Variants in CYB5D2 observed in about 807,000 individuals in gnomAD.
CYB5D2 encodes the protein neuferricin.
Under a neutral mutation model 22.8 loss-of-function variants are expected in CYB5D2, and 23 were observed. That is an observed-to-expected ratio of 1.01 (90% CI 0.73 to 1.43). CYB5D2 has a LOEUF of 1.43. Among genes scored for constraint, CYB5D2 ranks in the 40% most tolerant of loss-of-function variants. CYB5D2 has a pLI of 0.00. For synonymous variants in CYB5D2, 170 were observed against 152.2 expected (o/e 1.12, Z -0.86); for missense variants, 373 against 357.2 (o/e 1.04, Z -0.36).
rs2059106636 is a variant in CYB5D2 at position 4,155,719 on chromosome 17, A to G, written c.578+859A>G. On this transcript the variant is annotated intron_variant, in intron 3 of 3. Coordinates refer to ENST00000301391, the MANE Select transcript of CYB5D2 (RefSeq NM_144611.4). ...CACTGGTCTCTGAGACTCCAGGAGG[A>G]GGAGACTCCAGGAGGCCTGCGTGCG... Among the ~76,000 whole-genome samples the G allele has an allele frequency of 2.6e-5, 4 of 152,068 alleles. No homozygotes were observed. In the South Asian group the frequency reaches 8.3e-4, roughly 31 times the overall value.
intron 1 of CYB5D2, among the ~76,000 whole-genome samples, chr17:4,146,528 C>T (rs746565328): frequency 6.6e-6 from 1 of 152,002 alleles, no homozygotes; most frequent in Non-Finnish European, 1.5e-5. Context: ...GTAGCTGGGA[C>T]TACAGGCGTC....
At chr17:4,144,676 A>G (rs954580906) in intron 1 of CYB5D2, among the ~76,000 whole-genome samples, 3 of 152,164 alleles carry the variant, frequency 2.0e-5, no homozygotes, top group Non-Finnish European at 4.4e-5. Flanking sequence ...AACATTTGTC[A>G]AATTAAGTTT....
intron 1 of CYB5D2, among the ~76,000 whole-genome samples, chr17:4,148,516 CAAAAAAAAAAA>C (rs34632039): frequency 2.6e-4 from 27 of 102,644 alleles, no homozygotes; most frequent in Admixed American, 2.0e-3. Flanking sequence ...GACTCAGTCT[CAAAAAAAAAAA>C]AAAAAAAAAA....
chr17:4,145,938 A>G (rs1456480574), intron 1 of CYB5D2, among the ~76,000 whole-genome samples: 1 of 152,082 alleles, frequency 6.6e-6, no homozygotes, highest in African/African-American at 2.4e-5. Context: ...AGCGGGGACC[A>G]TAGGTGTGCA....
rs2059121776 is a variant in CYB5D2 at position 4,157,158 on chromosome 17, C to T, written c.*76C>T. 6.7e-7 allele frequency: 1 copy of T among 1,495,226 alleles called. No homozygotes were observed. Among genetic ancestry groups the T allele is most frequent in the Admixed American group, 1.9e-5 (1 of 54,026 alleles). The allele number at this position is 1,495,226 out of a possible 1,614,324, so 92.6% of individuals were successfully genotyped here. A position where few individuals can be genotyped will look rare whatever the true frequency, so the allele number is the denominator to read the frequency against. ...AGTAGGCCCTTGACACTTGTGTGCC[C>T]TGGGATGCCTCCTGGCGCGAATCAG... On this transcript the variant is annotated 3_prime_UTR_variant, in exon 4 of 4. Transcript: ENST00000301391. This position sits in a 1 kb window ranked among gnomAD's most constrained non-coding sequence, Gnocchi z 4.4.
Position 4,143,504 on chromosome 17 carries a change from C to A in CYB5D2, c.-252C>A, listed in dbSNP as rs1373360523. 2 of 373,854 alleles carry A rather than the reference C, an allele frequency of 5.3e-6. No individual in the cohort carries two copies. The highest frequency in any genetic ancestry group is 9.4e-6 in the Non-Finnish European group (2 of 211,734). 23.2% of individuals were successfully genotyped at this position (373,854 alleles called of 1,614,324 possible). A position where few individuals can be genotyped will look rare whatever the true frequency, so the allele number is the denominator to read the frequency against. ...TTCCGCCAGTGCACTCCAGCCTGGA[C>A]AACAAGAGCTAAAACTCTGTCTCAG... On this transcript the variant is annotated 5_prime_UTR_variant, in exon 1 of 4. Transcript: ENST00000301391.
At chr17:4,149,151 G>A (rs1340526637) in intron 1 of CYB5D2, among the ~76,000 whole-genome samples, 1 of 152,128 alleles carries the variant, frequency 6.6e-6, no homozygotes, top group Non-Finnish European at 1.5e-5. Context: ...ACGTCTAAGT[G>A]TTGTTGGATA....
intron 2 of CYB5D2, among the ~76,000 whole-genome samples, chr17:4,153,491 G>T (rs1321978964): frequency 6.6e-6 from 1 of 152,198 alleles, no homozygotes. Flanking sequence ...TTGCATTTTT[G>T]TCTGCTTTAA....
rs766480241 is a variant in CYB5D2 at position 4,157,130 on chromosome 17, C to T, written c.*48C>T. 2 of 1,590,544 alleles carry T rather than the reference C, an allele frequency of 1.3e-6. No homozygotes were observed. The highest frequency in any genetic ancestry group is 1.7e-6 in the Non-Finnish European group (2 of 1,166,400). On this transcript the variant is annotated 3_prime_UTR_variant, in exon 4 of 4. Transcript: ENST00000301391. The surrounding 1 kb of genome is among the most constrained non-coding windows in gnomAD (Gnocchi z 4.4). ...ACACACAGAGAGCTCTGCCAAGCAC[C>T]TGAGTAGGCCCTTGACACTTGTGTG...
Position 4,157,441 on chromosome 17 carries a change from C to G in CYB5D2, c.*359C>G. The G allele has an allele frequency of 3.3e-6, 1 of 301,582 alleles. No individual in the cohort carries two copies. Among genetic ancestry groups the G allele is most frequent in the South Asian group, 4.3e-5 (1 of 23,210 alleles). 18.7% of individuals were successfully genotyped at this position (301,582 alleles called of 1,614,324 possible). On this transcript the variant is annotated 3_prime_UTR_variant, in exon 4 of 4. Coordinates refer to ENST00000301391, the MANE Select transcript of CYB5D2 (RefSeq NM_144611.4). The surrounding 1 kb of genome is among the most constrained non-coding windows in gnomAD (Gnocchi z 4.4). ...TGATTACAGCTGGGCCAATACAGTA[C>G]GAGGCAATAACAAATTAGTGTGGGT...
rs949950718 is a variant in CYB5D2 at position 4,157,148 on chromosome 17, C to T, written c.*66C>T. 1 of 1,545,400 alleles carries T rather than the reference C, an allele frequency of 6.5e-7. No individual in the cohort carries two copies. The highest frequency in any genetic ancestry group is 8.8e-7 in the Non-Finnish European group (1 of 1,132,780). Reference sequence around the variant, plus strand: ...CAAGCACCTGAGTAGGCCCTTGACACTTGTGTGCCCTGGGATGCCTCCTGG... The same window carrying T: ...CAAGCACCTGAGTAGGCCCTTGACATTTGTGTGCCCTGGGATGCCTCCTGG... On this transcript the variant is annotated 3_prime_UTR_variant, in exon 4 of 4. Coordinates refer to ENST00000301391, the MANE Select transcript of CYB5D2 (RefSeq NM_144611.4). This position sits in a 1 kb window ranked among gnomAD's most constrained non-coding sequence, Gnocchi z 4.4.
At chr17:4,150,808 C>G (rs1348481477) in intron 2 of CYB5D2, 1 of 152,380 alleles carries the variant, frequency 6.6e-6, no homozygotes, top group African/African-American at 2.4e-5. Context: ...ATCGCTTCAG[C>G]CCGGGAGATG....
intron 3 of CYB5D2, among the ~76,000 whole-genome samples, chr17:4,155,682 A>G (rs918161793): frequency 1.1e-4 from 16 of 152,188 alleles, no homozygotes; most frequent in Non-Finnish European, 1.9e-4. Context: ...GAATGCAGGT[A>G]GCCTCAGAGA....
At position 4,143,726 on chromosome 17, in the gene CYB5D2, C is replaced by CG; in HGVS notation, c.-28dup. On this transcript the variant is annotated 5_prime_UTR_variant, in exon 1 of 4. Coordinates refer to ENST00000301391, the MANE Select transcript of CYB5D2 (RefSeq NM_144611.4). The stretch of plus-strand genomic sequence containing the variant: ...TAGCTGTAGATAGAGGCGGCAACCT[C>CG]GGAAGTGCGGAGCGGGTGGGCCTAT... The CG allele has an allele frequency of 6.3e-7, 1 of 1,583,572 alleles. No individual in the cohort carries two copies.
rs117988471 is a variant in CYB5D2, at chr17:4,143,591, A to T, written c.-165A>T. The T allele has an allele frequency of 9.0e-5, 88 of 982,576 alleles. No individual in the cohort carries two copies. The highest frequency in any genetic ancestry group is 1.2e-4 in the Non-Finnish European group (82 of 681,900). 60.9% of individuals were successfully genotyped at this position (982,576 alleles called of 1,614,324 possible). A position where few individuals can be genotyped will look rare whatever the true frequency, so the allele number is the denominator to read the frequency against. On this transcript the variant is annotated 5_prime_UTR_variant, in exon 1 of 4. Transcript: ENST00000301391. ...CAGCGAGCTTTTCGCCAGTGCCAGGAATACAGATAAAACGAGAGAGACTAA... is the reference window on the plus strand; with the variant it reads ...CAGCGAGCTTTTCGCCAGTGCCAGGTATACAGATAAAACGAGAGAGACTAA...
chr17:4,149,744 A>G, intron 1 of CYB5D2, 147 bp from the exon 2 acceptor site: 1 of 927,122 alleles, frequency 1.1e-6, no homozygotes, highest in Non-Finnish European at 1.6e-6. Context: ...GGTTGCAGTG[A>G]GCTGAAATCA....
At chr17:4,154,618 C>T in intron 2 of CYB5D2, 56 bp from the exon 3 acceptor site, 1 of 1,563,174 alleles carries the variant, frequency 6.4e-7, no homozygotes, top group Non-Finnish European at 8.7e-7. Flanking sequence ...CTTCCCACAC[C>T]TGCCTCAGCA....
intron 3 of CYB5D2, among the ~76,000 whole-genome samples, chr17:4,156,054 T>C (rs2059109655): frequency 1.3e-5 from 2 of 152,186 alleles, no homozygotes; most frequent in African/African-American, 4.8e-5. Flanking sequence ...GAGGGAGGCG[T>C]TTGGGTGACA....
At chr17:4,144,556 A>G (rs1305860800) in intron 1 of CYB5D2, among the ~76,000 whole-genome samples, 2 of 152,170 alleles carry the variant, frequency 1.3e-5, no homozygotes, top group Admixed American at 6.6e-5. Context: ...TTCTAGTACA[A>G]GATGCACCTG....
Sources: gnomAD v4.1 joint callset for allele counts (sites outside exome capture counted in the v4.1 genomes callset) on GRCh38, gnomAD v4.1.1 for gene constraint, Gnocchi (gnomAD v3.1) non-coding constraint, MANE v1.5 for transcripts, NCBI Gene and HGNC (gene_info 2026-07-23, HGNC 2026-07-21) for gene names.